Variants in LDLRAD4 observed in about 807,000 individuals in gnomAD.
LDLRAD4 encodes low-density lipoprotein receptor class A domain-containing protein 4.
In LDLRAD4, 5 loss-of-function variants were observed where a neutral mutation model predicts 17.0. The ratio of observed to expected loss-of-function variants is 0.29; its 90% confidence interval spans 0.15 to 0.62. The LOEUF is 0.62. LDLRAD4 is among the 20% of genes least tolerant of loss of function. LDLRAD4 has a pLI of 0.84. For synonymous variants in LDLRAD4, 168 were observed against 171.8 expected (o/e 0.98, Z 0.17); for missense variants, 340 against 424.7 (o/e 0.80, Z 1.75).
intron 1 of LDLRAD4, among the ~76,000 whole-genome samples, chr18:13,381,132 C>T (rs1365638070): frequency 7.2e-6 from 1 of 139,578 alleles, no homozygotes; most frequent in East Asian, 2.0e-4. Context: ...GGCTGGAGTG[C>T]AGTGGTGCAG....
At chr18:13,410,563 TG>T (rs1441786751) in intron 2 of LDLRAD4, among the ~76,000 whole-genome samples, 1 of 152,212 alleles carries the variant, frequency 6.6e-6, no homozygotes, top group East Asian at 1.9e-4. Context: ...GTTTACACAG[TG>T]AGGCTTAATC....
chr18:13,241,898 A>G (rs909766584), intron 1 of LDLRAD4: 2 of 152,264 alleles, frequency 1.3e-5, no homozygotes, highest in African/African-American at 4.8e-5. Flanking sequence ...GATTAAAAAT[A>G]AATGTCGTGG....
At chr18:13,634,942 A>C (rs2041959400) in intron 4 of LDLRAD4, among the ~76,000 whole-genome samples, 1 of 152,236 alleles carries the variant, frequency 6.6e-6, no homozygotes, top group South Asian at 2.1e-4. Flanking sequence ...TATATGGTCA[A>C]GTAATTTTCA....
chr18:13,333,068 G>A (rs1369645916), intron 1 of LDLRAD4, among the ~76,000 whole-genome samples: 1 of 152,110 alleles, frequency 6.6e-6, no homozygotes, highest in Non-Finnish European at 1.5e-5. Flanking sequence ...CTACATCCTT[G>A]CCAGCTTTTG....
intron 3 of LDLRAD4, among the ~76,000 whole-genome samples, chr18:13,507,539 C>A (rs1249687066): frequency 6.6e-6 from 1 of 152,108 alleles, no homozygotes; most frequent in Admixed American, 6.6e-5. Context: ...GTATATCTAC[C>A]ACATTTTCTT....
chr18:13,219,073 T>G (rs1264629558), intron 1 of LDLRAD4, 85 bp downstream of exon 1: 1 of 150,484 alleles, frequency 6.6e-6, no homozygotes, highest in African/African-American at 2.4e-5. Flanking sequence ...TTTAAACTTT[T>G]TTTTTTTTTT....
chr18:13,613,903 A>C (rs949104576), intron 3 of LDLRAD4: 2 of 152,230 alleles, frequency 1.3e-5, no homozygotes, highest in Non-Finnish European at 2.9e-5. Context: ...TTTTATTGTC[A>C]TGCAAATGTT....
At chr18:13,346,784 A>G (rs1269703135) in intron 1 of LDLRAD4, among the ~76,000 whole-genome samples, 6 of 152,184 alleles carry the variant, frequency 3.9e-5, no homozygotes, top group Non-Finnish European at 8.8e-5. Context: ...ATATATATTT[A>G]GGATAGTTAG....
At chr18:13,535,905 G>C (rs1227469554) in intron 3 of LDLRAD4, among the ~76,000 whole-genome samples, 1 of 152,112 alleles carries the variant, frequency 6.6e-6, no homozygotes, top group African/African-American at 2.4e-5. Context: ...TGGTGAAAAG[G>C]CCATCTTTTC....
chr18:13,560,682 C>T (rs2094530953), intron 3 of LDLRAD4, among the ~76,000 whole-genome samples: 1 of 152,224 alleles, frequency 6.6e-6, no homozygotes, highest in Non-Finnish European at 1.5e-5. Context: ...TTCTCAGCCT[C>T]TCTGTGAAAG....
At chr18:13,348,615 T>A (rs1192218866) in intron 1 of LDLRAD4, among the ~76,000 whole-genome samples, 1 of 152,098 alleles carries the variant, frequency 6.6e-6, no homozygotes, top group Non-Finnish European at 1.5e-5. Context: ...ACAGGGACAT[T>A]TAAGTCTGTA....
chr18:13,543,576 A>T (rs962903355), intron 3 of LDLRAD4: 7 of 152,264 alleles, frequency 4.6e-5, no homozygotes, highest in Admixed American at 2.0e-4. Context: ...ACATGATTGC[A>T]TTATTGTTAA....
chr18:13,611,414 A>T (rs2039544847), intron 3 of LDLRAD4: 1 of 982,744 alleles, frequency 1.0e-6, no homozygotes, highest in African/African-American at 1.7e-5. Context: ...CCACCCCGTG[A>T]TTTTCTCTGA....
rs535128941 is a variant in LDLRAD4, at chr18:13,367,835, G to A, written c.-382-19506G>A. 2.6e-5 allele frequency among the ~76,000 whole-genome samples: 4 copies of A among 151,768 alleles called. No individual in the cohort carries two copies. Among genetic ancestry groups the A allele is most frequent in the Non-Finnish European group, 4.4e-5 (3 of 67,924 alleles). On this transcript the variant is annotated intron_variant, in intron 1 of 5. Transcript: ENST00000359446. This position sits in a 1 kb window ranked among gnomAD's most constrained non-coding sequence, Gnocchi z 4.1. ...GTACTGAGAGAGAGGGGACAGTGGG[G>A]TGTGGGGGTGTGCTATCAAGGGGTG...
chr18:13,234,499 T>G (rs2042238906), intron 1 of LDLRAD4, among the ~76,000 whole-genome samples: 1 of 152,168 alleles, frequency 6.6e-6, no homozygotes, highest in Non-Finnish European at 1.5e-5. Flanking sequence ...CAGGCACCTG[T>G]GAGCAGGCCA....
chr18:13,347,277 A>G (rs1388669795), intron 1 of LDLRAD4, among the ~76,000 whole-genome samples: 3 of 152,126 alleles, frequency 2.0e-5, no homozygotes, highest in Non-Finnish European at 4.4e-5. Context: ...GTGGTGACAA[A>G]ATCTCTCAGC....
At chr18:13,323,814 G>T (rs1265913614) in intron 1 of LDLRAD4, among the ~76,000 whole-genome samples, 29 of 152,260 alleles carry the variant, frequency 1.9e-4, no homozygotes, top group Non-Finnish European at 4.4e-5. Flanking sequence ...TTCAGAGAAG[G>T]ATATAATCTT....
intron 2 of LDLRAD4, among the ~76,000 whole-genome samples, chr18:13,388,167 C>G (rs1260923924): frequency 6.6e-6 from 1 of 152,148 alleles, no homozygotes; most frequent in African/African-American, 2.4e-5. Context: ...TGGTGCCTCC[C>G]CATCTTTAAT....
chr18:13,312,675 C>T (rs752227752), intron 1 of LDLRAD4, among the ~76,000 whole-genome samples: 15 of 152,074 alleles, frequency 9.9e-5, no homozygotes, highest in Non-Finnish European at 1.5e-4. Flanking sequence ...CTAGAAGTTC[C>T]AGACTGTAGT....
Sources: allele counts gnomAD v4.1 joint callset (sites outside exome capture counted in the v4.1 genomes callset), GRCh38; gene constraint gnomAD v4.1.1; non-coding constraint Gnocchi (gnomAD v3.1); transcripts MANE v1.5; gene names NCBI Gene and HGNC (gene_info 2026-07-23, HGNC 2026-07-21).